Variants in RGS21 observed in about 807,000 individuals in gnomAD.
RGS21 encodes the protein regulator of G protein signaling 21, also known as regulator of G-protein signalling 21.
In RGS21, 19 loss-of-function variants were observed where a neutral mutation model predicts 18.7. That is an observed-to-expected ratio of 1.01 (90% CI 0.71 to 1.49). The LOEUF is 1.49. RGS21 is among the 40% of genes most tolerant of loss of function. The probability of loss-of-function intolerance (pLI) is 0.00; values close to 1 mark genes in which losing one functional copy is unlikely to be tolerated. For synonymous variants in RGS21, 56 were observed against 57.8 expected (o/e 0.97, Z 0.14); for missense variants, 194 against 176.8 (o/e 1.10, Z -0.55).
intron 1 of RGS21, among the ~76,000 whole-genome samples, chr1:192,333,340 T>C (rs2102225959): frequency 6.6e-6 from 1 of 151,306 alleles, no homozygotes; most frequent in African/African-American, 2.4e-5. Context: ...CCTACACATT[T>C]AATCCAGATA....
At chr1:192,331,210 G>C (rs1042831001) in intron 1 of RGS21, among the ~76,000 whole-genome samples, 101 of 152,072 alleles carry the variant, frequency 6.6e-4, no homozygotes, top group African/African-American at 2.3e-3. Context: ...CTCGTTTCTG[G>C]ATCAAAAAGT....
rs989104596 is a variant in RGS21 at position 192,340,886 on chromosome 1, A to T, written c.-60-2091A>T. Among the ~76,000 whole-genome samples, 3 of 152,060 alleles carry T rather than the reference A, an allele frequency of 2.0e-5. No individual in the cohort carries two copies. In the South Asian group the frequency reaches 6.2e-4, roughly 32 times the overall value. ...GAACAGTATGGGGGAAACCGCCCAC[A>T]TGATTCAATTATCTCCCTCCAGGTA... On this transcript the variant is annotated intron_variant, in intron 1 of 4. Transcript: ENST00000417209.
intron 1 of RGS21, among the ~76,000 whole-genome samples, chr1:192,328,931 T>C (rs1288761487): frequency 1.3e-5 from 2 of 152,128 alleles, no homozygotes; most frequent in South Asian, 2.1e-4. Context: ...TACATTCACA[T>C]GGTAAATATG....
chr1:192,349,398 T>G (rs1659003704), intron 3 of RGS21, among the ~76,000 whole-genome samples: 1 of 152,200 alleles, frequency 6.6e-6, no homozygotes, highest in South Asian at 2.1e-4. Flanking sequence ...CTAAAGGACT[T>G]GTCAAATTAC....
intron 1 of RGS21, among the ~76,000 whole-genome samples, chr1:192,321,583 C>T (rs1224602643): frequency 6.6e-6 from 1 of 151,946 alleles, no homozygotes; most frequent in Non-Finnish European, 1.5e-5. Context: ...GTTATTGACA[C>T]TTCATAAAAA....
At chr1:192,336,209 C>G (rs1244685041) in intron 1 of RGS21, among the ~76,000 whole-genome samples, 1 of 152,174 alleles carries the variant, frequency 6.6e-6, no homozygotes, top group African/African-American at 2.4e-5. Context: ...AATCCCAGCT[C>G]TTTGAGAGAC....
rs1333032539 is a variant in RGS21, at chr1:192,367,135, G to A, written c.*1011G>A. The A allele has an allele frequency of 6.6e-6, 1 of 151,844 alleles. No individual in the cohort carries two copies. Among genetic ancestry groups the A allele is most frequent in the East Asian group, 1.9e-4 (1 of 5,186 alleles). 9.4% of individuals were successfully genotyped at this position (151,844 alleles called of 1,614,324 possible). On this transcript the variant is annotated 3_prime_UTR_variant, in exon 5 of 5. Coordinates refer to ENST00000417209, the MANE Select transcript of RGS21 (RefSeq NM_001039152.3). Reference sequence around the variant, plus strand: ...TTTCTTTGCACAGATTTATTTATCTGCATTGATATTTCTGCTTTTAGATTG... The same window carrying A: ...TTTCTTTGCACAGATTTATTTATCTACATTGATATTTCTGCTTTTAGATTG...
chr1:192,355,599 A>G (rs1199388485), intron 4 of RGS21, among the ~76,000 whole-genome samples: 1 of 151,536 alleles, frequency 6.6e-6, no homozygotes, highest in South Asian at 2.1e-4. Flanking sequence ...AAATTATTAG[A>G]GAAATAGATA....
At chr1:192,362,684 C>A (rs138839729) in intron 4 of RGS21, among the ~76,000 whole-genome samples, 4 of 152,208 alleles carry the variant, frequency 2.6e-5, no homozygotes, top group African/African-American at 9.6e-5. Flanking sequence ...CTGATGCTGG[C>A]AGTTCCTTGG....
chr1:192,337,006 CTTTAA>C (rs946117520), intron 1 of RGS21, among the ~76,000 whole-genome samples: 1 of 151,542 alleles, frequency 6.6e-6, no homozygotes, highest in Non-Finnish European at 1.5e-5. Context: ...ATTAAATAAA[CTTTAA>C]TTTATATCAT....
chr1:192,344,783 A>G (rs1338855643), intron 2 of RGS21, among the ~76,000 whole-genome samples: 1 of 152,060 alleles, frequency 6.6e-6, no homozygotes, highest in Non-Finnish European at 1.5e-5. Context: ...ATAGGCTATA[A>G]AGGAATGAGC....
In RGS21 at chr1:192,363,559, A is replaced by G. The variant is rs140167222; in HGVS notation, c.256-2362A>G. Among the ~76,000 whole-genome samples, 314 of 152,260 alleles carry G rather than the reference A, an allele frequency of 2.1e-3. 1 individual carries two copies. The highest frequency in any genetic ancestry group is 6.3e-3 in the African/African-American group (261 of 41,566). Reference sequence around the variant, plus strand: ...ACTACAAATCTTGATAATAGCCACTATTGATTCCCACTATGAGGCAAACAC... The same window carrying G: ...ACTACAAATCTTGATAATAGCCACTGTTGATTCCCACTATGAGGCAAACAC... On this transcript the variant is annotated intron_variant, in intron 4 of 4. Transcript: ENST00000417209.
intron 1 of RGS21, among the ~76,000 whole-genome samples, chr1:192,339,155 G>T (rs959350355): frequency 6.6e-6 from 1 of 151,648 alleles, no homozygotes; most frequent in African/African-American, 2.4e-5. Context: ...TAACTGTTAT[G>T]GTGTTTTTCC....
At chr1:192,361,037 A>G (rs1457335794) in intron 4 of RGS21, among the ~76,000 whole-genome samples, 1 of 152,124 alleles carries the variant, frequency 6.6e-6, no homozygotes, top group Non-Finnish European at 1.5e-5. Flanking sequence ...TAAAGTAGAT[A>G]GCTTTCCAAA....
intron 4 of RGS21, among the ~76,000 whole-genome samples, chr1:192,358,744 AAG>A (rs145173209): frequency 1.3e-5 from 2 of 152,244 alleles, no homozygotes; most frequent in African/African-American, 4.8e-5. Flanking sequence ...TTACGGTCAC[AAG>A]AGAGCCAACA....
rs1182263720 is a variant in RGS21, at chr1:192,367,060, A to C, written c.*936A>C. On this transcript the variant is annotated 3_prime_UTR_variant, in exon 5 of 5. Transcript: ENST00000417209. ...TCCTGTGATAAATACGAATAATTTC[A>C]TTTCAATATGAGAAGCTGTAAAGAT... 2 of 152,064 alleles carry C rather than the reference A, an allele frequency of 1.3e-5. No homozygotes were observed. The highest frequency in any genetic ancestry group is 4.8e-5 in the African/African-American group (2 of 41,444). 9.4% of individuals were successfully genotyped at this position (152,064 alleles called of 1,614,324 possible). A position where few individuals can be genotyped will look rare whatever the true frequency, so the allele number is the denominator to read the frequency against.
At chr1:192,325,994 T>G (rs1175677528) in intron 1 of RGS21, among the ~76,000 whole-genome samples, 1 of 152,056 alleles carries the variant, frequency 6.6e-6, no homozygotes, top group Admixed American at 6.6e-5. Context: ...TTGTATTCTA[T>G]AGGAATGATT....
chr1:192,331,353 A>G (rs1658645588), intron 1 of RGS21, among the ~76,000 whole-genome samples: 2 of 152,118 alleles, frequency 1.3e-5, no homozygotes, highest in African/African-American at 4.8e-5. Context: ...GGAGATCGAG[A>G]CCAACCTGGC....
chr1:192,342,048 A>G (rs1409204628), intron 1 of RGS21, among the ~76,000 whole-genome samples: 1 of 152,038 alleles, frequency 6.6e-6, no homozygotes, highest in Non-Finnish European at 1.5e-5. Context: ...TCATTAGTCC[A>G]GGGCCACTGA....
Sources: gnomAD v4.1 joint callset for allele counts (sites outside exome capture counted in the v4.1 genomes callset) on GRCh38, gnomAD v4.1.1 for gene constraint, MANE v1.5 for transcripts, NCBI Gene and HGNC (gene_info 2026-07-23, HGNC 2026-07-21) for gene names.